XYLT2: variants seen among roughly 807,000 people sequenced by gnomAD.
The protein encoded by XYLT2 is UDP-D-xylose:proteoglycan core protein beta-D-xylosyltransferase.
XYLT2 carries 37 observed loss-of-function variants against 82.6 expected under a neutral mutation model. The ratio of observed to expected loss-of-function variants is 0.45; its 90% CI spans 0.34 to 0.59. The LOEUF (loss-of-function observed/expected upper bound fraction) is 0.59. XYLT2 is among the 20% of genes least tolerant of loss of function. XYLT2 has a pLI of 0.01. For missense variants in XYLT2, 934 were observed against 1,181.3 expected (o/e 0.79, Z 3.07); for synonymous variants, 474 against 499.0 (o/e 0.95, Z 0.67).
Position 50,346,212 on chromosome 17 carries a change from C to A in XYLT2, c.72C>A (p.Ile24=). The A allele has an allele frequency of 2.3e-6, 3 of 1,286,444 alleles. No homozygotes were observed. Among genetic ancestry groups the A allele is most frequent in the African/African-American group, 3.2e-5 (2 of 63,162 alleles). 79.7% of individuals were successfully genotyped at this position (1,286,444 alleles called of 1,614,324 possible). A position where few individuals can be genotyped will look rare whatever the true frequency, so the allele number is the denominator to read the frequency against. Residue 24 remains isoleucine (I), a synonymous_variant, in exon 1 of 11, where the codon ATC becomes ATA. Coordinates refer to ENST00000017003, the MANE Select transcript of XYLT2 (RefSeq NM_022167.4). The surrounding 1 kb of genome is among the most constrained non-coding windows in gnomAD (Gnocchi z 5.1). ...TGGCGATTGCCACGGCGCTGGCCATCCTGCTGCTGCAGGGCCTGGTAGTGT... is the reference window on the plus strand; with the variant it reads ...TGGCGATTGCCACGGCGCTGGCCATACTGCTGCTGCAGGGCCTGGTAGTGT... The part of the protein sequence containing the change: ...YKLAIATALA[I]LLLQGLVVWS...
rs569275337 is a variant in XYLT2, at chr17:50,358,163, G to A, written c.1942-44G>A. On this transcript the variant is annotated intron_variant, in intron 9 of 10. Coordinates refer to ENST00000017003, the MANE Select transcript of XYLT2 (RefSeq NM_022167.4). ...GAGGCAGCTTCAGAGGAGGGAGAAGGACCTTTCCCCCACACTCCTGCCCAG... is the reference window on the plus strand; with the variant it reads ...GAGGCAGCTTCAGAGGAGGGAGAAGAACCTTTCCCCCACACTCCTGCCCAG... The A allele has an allele frequency of 6.6e-6, 10 of 1,509,050 alleles. No individual in the cohort carries two copies. In the African/African-American group the frequency reaches 8.3e-5, roughly 13 times the overall value. The allele number at this position is 1,509,050 out of a possible 1,614,324, so 93.5% of individuals were successfully genotyped here.
Position 50,346,418 on chromosome 17 carries a change from C to T in XYLT2, c.135+143C>T, listed in dbSNP as rs1912044776. On this transcript the variant is annotated intron_variant, in intron 1 of 10. Coordinates refer to ENST00000017003, the MANE Select transcript of XYLT2 (RefSeq NM_022167.4). This position sits in a 1 kb window ranked among gnomAD's most constrained non-coding sequence, Gnocchi z 5.1. ...GCGCCGGCGGTCGCCCAGAGCGGAGCATCCGGCCCCCGGCACTCCCTTCCC... is the reference window on the plus strand; with the variant it reads ...GCGCCGGCGGTCGCCCAGAGCGGAGTATCCGGCCCCCGGCACTCCCTTCCC... 8 of 943,310 alleles carry T rather than the reference C, an allele frequency of 8.5e-6. No homozygotes were observed. The South Asian group carries it at 3.3e-4, about 39-fold the overall frequency. The allele number at this position is 943,310 out of a possible 1,614,324, so 58.4% of individuals were successfully genotyped here. A position where few individuals can be genotyped will look rare whatever the true frequency, so the allele number is the denominator to read the frequency against.
chr17:50,352,948 C>G lies in XYLT2; in HGVS notation c.136-682C>G, dbSNP rs373889860. 1.8e-4 allele frequency among the ~76,000 whole-genome samples: 28 copies of G among 152,344 alleles called. No individual in the cohort carries two copies. In the East Asian group the frequency reaches 5.2e-3, roughly 28 times the overall value. ...AGGTGGACGCTCTTCTTGCCCCTCTCCTTGCATGGCCGTCTCCTTTGCGGT... is the reference window on the plus strand; with the variant it reads ...AGGTGGACGCTCTTCTTGCCCCTCTGCTTGCATGGCCGTCTCCTTTGCGGT... On this transcript the variant is annotated intron_variant, in intron 1 of 10. Transcript: ENST00000017003.
At position 50,353,930 on chromosome 17, in the gene XYLT2, AG is replaced by A; in HGVS notation, c.437del (p.Ser146ThrfsTer63). On this transcript the variant is annotated frameshift_variant, in exon 2 of 11. Transcript: ENST00000017003. LOFTEE classifies it high-confidence loss of function. ...AGFPPHGDTG[S>X]VEGAPQPTDN... ...CTTCCCACCACACGGAGATACAGGGAGCGTGGAGGGCGCCCCCCAGCCCACG... is the reference window on the plus strand; with the variant it reads ...CTTCCCACCACACGGAGATACAGGGACGTGGAGGGCGCCCCCCAGCCCACG... The A allele has an allele frequency of 6.2e-7, 1 of 1,607,912 alleles. No individual in the cohort carries two copies. Among genetic ancestry groups the A allele is most frequent in the Non-Finnish European group, 8.5e-7 (1 of 1,179,820 alleles).
rs1598351873 is a variant in XYLT2 at position 50,356,594 on chromosome 17, G to A, written c.1566G>A (p.Leu522=). ...TGCTGGAAATCCTGGACTTCCACCT[G>A]TATGGCAGCTACCCCCCCGGCACGC... ...QEVLEILDFH[L]YGSYPPGTPA... Residue 522 remains leucine (L), a synonymous_variant, in exon 8 of 11, where the codon CTG becomes CTA. Transcript: ENST00000017003. 6.2e-7 allele frequency: 1 copy of A among 1,614,094 alleles called. No homozygotes were observed. The highest frequency in any genetic ancestry group is 8.5e-7 in the Non-Finnish European group (1 of 1,180,010).
chr17:50,358,059 TAGTCTGACCCCTTCATTTTGC>T (rs773802377), intron 9 of XYLT2, 127 bp from the exon 10 acceptor site: 190 of 692,844 alleles, frequency 2.7e-4, no homozygotes, highest in African/African-American at 2.2e-3. Context: ...AAAGGTCTCC[TAGTCTGACCCCTTCATTTTGC>T]AGATGGGGAA....
rs1161742156 is a variant in XYLT2 at position 50,353,721 on chromosome 17, G to A, written c.227G>A (p.Arg76Lys). Reference protein sequence around the residue: ...SSAGRRGSTGRRHGRWRGRAE... With the variant: ...SSAGRRGSTGKRHGRWRGRAE... ...GCAGGGCGACGGGGCAGCACAGGCA[G>A]AAGGCATGGGCGCTGGCGGGGCCGT... is the stretch of plus-strand genomic sequence containing the variant. The change falls in exon 2 of 11, where the codon AGA (arginine) becomes AAA (lysine). Residue 76 changes from arginine to lysine, a missense_variant. Arg to Lys is a conservative substitution (Grantham distance 26). Transcript: ENST00000017003. 2 of 1,560,446 alleles carry A rather than the reference G, an allele frequency of 1.3e-6. No homozygotes were observed. The highest frequency in any genetic ancestry group is 2.4e-5 in the East Asian group (1 of 41,896).
At chr17:50,355,634 C>T in intron 5 of XYLT2, 53 bp downstream of exon 5, 1 of 1,605,342 alleles carries the variant, frequency 6.2e-7, no homozygotes, top group Non-Finnish European at 8.5e-7. Context: ...CCAACCCCTC[C>T]CACACAGTTG....
chr17:50,350,177 CGT>C (rs547907727), intron 1 of XYLT2, among the ~76,000 whole-genome samples: 648 of 28,094 alleles, frequency 0.023, 3 homozygotes, highest in East Asian at 0.087. Flanking sequence ...AGTGAGACTG[CGT>C]CTCAAAAAAA....
Position 50,356,662 on chromosome 17 carries a change from A to T in XYLT2, c.1634A>T (p.Asp545Val). 6.2e-7 allele frequency: 1 copy of T among 1,613,898 alleles called. No homozygotes were observed. The highest frequency in any genetic ancestry group is 8.5e-7 in the Non-Finnish European group (1 of 1,180,018). ...AYWENTYDAA[D>V]GPSGLSDVML... ...TGGGAGAACACCTACGACGCGGCTGATGGCCCCAGTGGGCTCAGTGATGTC... is the reference window on the plus strand; with the variant it reads ...TGGGAGAACACCTACGACGCGGCTGTTGGCCCCAGTGGGCTCAGTGATGTC... The change falls in exon 8 of 11, where the codon GAT becomes GTT. Residue 545 changes from aspartate to valine, a missense_variant. Physicochemically the swap from Asp to Val is radical, Grantham distance 152 (BLOSUM62 -3). Coordinates refer to ENST00000017003, the MANE Select transcript of XYLT2 (RefSeq NM_022167.4).
At chr17:50,353,000 C>T (rs1912334677) in intron 1 of XYLT2, among the ~76,000 whole-genome samples, 1 of 152,208 alleles carries the variant, frequency 6.6e-6, no homozygotes, top group African/African-American at 2.4e-5. Flanking sequence ...CCAGCTCCTG[C>T]CCCATCGTTC....
intron 1 of XYLT2, chr17:50,347,006 GA>G: frequency 1.1e-6 from 1 of 910,924 alleles, no homozygotes; most frequent in Non-Finnish European, 1.3e-6. Flanking sequence ...GACTGTAACA[GA>G]GCCCCAGCCG....
At position 50,346,872 on chromosome 17, in the gene XYLT2, C is replaced by T; in HGVS notation, c.135+597C>T. ...GAGTATTCCCGAGGTGTGGCTTCCT[C>T]AGCCGGGGGTTTGAAGAACCTGGAT... is the stretch of plus-strand genomic sequence containing the variant. On this transcript the variant is annotated intron_variant, in intron 1 of 10. Transcript: ENST00000017003. This position sits in a 1 kb window ranked among gnomAD's most constrained non-coding sequence, Gnocchi z 5.1. The T allele has an allele frequency of 2.0e-6, 2 of 985,312 alleles. No homozygotes were observed. Among genetic ancestry groups the T allele is most frequent in the Non-Finnish European group, 2.4e-6 (2 of 829,914 alleles). 61.0% of individuals were successfully genotyped at this position (985,312 alleles called of 1,614,324 possible). A position where few individuals can be genotyped will look rare whatever the true frequency, so the allele number is the denominator to read the frequency against.
intron 9 of XYLT2, chr17:50,357,892 C>T (rs1358970354): frequency 2.9e-6 from 1 of 343,658 alleles, no homozygotes; most frequent in African/African-American, 2.0e-5. Flanking sequence ...TCCTCATAGT[C>T]TCTTTCTCAG....
At chr17:50,355,655 C>T in intron 5 of XYLT2, 74 bp downstream of exon 5, 1 of 1,595,406 alleles carries the variant, frequency 6.3e-7, no homozygotes, top group Admixed American at 1.7e-5. Flanking sequence ...GGCTCGGTGG[C>T]TCCAGCCCTG....
In XYLT2 at chr17:50,360,412, A is replaced by G; in HGVS notation, c.*121A>G. The stretch of plus-strand genomic sequence containing the variant: ...GGCTGCACACCCATTTCAGCCATCA[A>G]GAACCCACACAGACGGCAGGGAAGG... On this transcript the variant is annotated 3_prime_UTR_variant, in exon 11 of 11. Coordinates refer to ENST00000017003, the MANE Select transcript of XYLT2 (RefSeq NM_022167.4). The G allele has an allele frequency of 7.0e-7, 1 of 1,435,254 alleles. No individual in the cohort carries two copies. The highest frequency in any genetic ancestry group is 1.5e-5 in the South Asian group (1 of 67,072). 88.9% of individuals were successfully genotyped at this position (1,435,254 alleles called of 1,614,324 possible).
intron 4 of XYLT2, 120 bp downstream of exon 4, chr17:50,355,176 C>A (rs1912464978): frequency 8.8e-6 from 10 of 1,138,894 alleles, no homozygotes; most frequent in African/African-American, 3.1e-5. Flanking sequence ...ATCCGCCCTG[C>A]TCAGACATGG....
At chr17:50,359,916 C>T (rs1567809015) in intron 10 of XYLT2, 53 bp from the exon 11 acceptor site, 1 of 1,477,188 alleles carries the variant, frequency 6.8e-7, no homozygotes, top group Non-Finnish European at 9.1e-7. Context: ...TGGGTCTGGC[C>T]TCCACGGAGT....
In XYLT2 at chr17:50,358,543, A is replaced by G. The variant is rs1391046037; in HGVS notation, c.2275+3A>G. On this transcript the variant is annotated splice_donor_region_variant and intron_variant, in intron 10 of 10. Transcript: ENST00000017003. ...CCGCAAACTACCTCTCAGGAAAGGT[A>G]AGCGTGCAGTTCTCAAATGAGGCCC... 5 of 1,609,068 alleles carry G rather than the reference A, an allele frequency of 3.1e-6. No individual in the cohort carries two copies. Among genetic ancestry groups the G allele is most frequent in the Non-Finnish European group, 4.2e-6 (5 of 1,176,516 alleles).
Sources: gnomAD v4.1 joint callset for allele counts (sites outside exome capture counted in the v4.1 genomes callset) on GRCh38, gnomAD v4.1.1 for gene constraint, Gnocchi (gnomAD v3.1) non-coding constraint, MANE v1.5 for transcripts, NCBI Gene and HGNC (gene_info 2026-07-23, HGNC 2026-07-21) for gene names.